The following LRIG1 variants were observed in gnomAD, a reference collection of about 807,000 sequenced individuals.
The protein encoded by LRIG1 is leucine rich repeats and immunoglobulin like domains 1, also known as leucine-rich repeats and immunoglobulin-like domains protein 1.
LRIG1 carries 48 observed loss-of-function variants against 99.2 expected under a neutral mutation model. The ratio of observed to expected loss-of-function variants is 0.48; its 90% CI spans 0.38 to 0.62. The LOEUF (loss-of-function observed/expected upper bound fraction) is 0.62. LRIG1 is among the 20% of genes least tolerant of loss of function. The probability of loss-of-function intolerance (pLI) is 0.00; values close to 1 mark genes in which losing one functional copy is unlikely to be tolerated. For missense variants in LRIG1, 1,646 were observed against 1,434.4 expected, an observed-to-expected ratio of 1.15 and a Z score of -2.38; for synonymous variants, 772 against 596.1, an observed-to-expected ratio of 1.29 and a Z score of -4.30.
intron 3 of LRIG1, among the ~76,000 whole-genome samples, chr3:66,429,589 A>G (rs1575684378): frequency 6.6e-6 from 1 of 152,206 alleles, no homozygotes; most frequent in East Asian, 1.9e-4. Flanking sequence ...CAGGTTCAGC[A>G]CAGGAGATTT....
intron 3 of LRIG1, among the ~76,000 whole-genome samples, chr3:66,423,345 C>T (rs758879335): frequency 1.3e-5 from 2 of 152,010 alleles, no homozygotes; most frequent in South Asian, 2.1e-4. Context: ...CTGAGGTGGG[C>T]GGATCACCTT....
At chr3:66,389,275 T>G (rs1701522484) in intron 12 of LRIG1, among the ~76,000 whole-genome samples, 1 of 152,002 alleles carries the variant, frequency 6.6e-6, no homozygotes, top group East Asian at 1.9e-4. Context: ...ACAGAAAATA[T>G]CTTTTCAATA....
chr3:66,472,994 T>TA (rs957489659), intron 1 of LRIG1, among the ~76,000 whole-genome samples: 39 of 151,286 alleles, frequency 2.6e-4, no homozygotes, highest in Non-Finnish European at 4.7e-4. Flanking sequence ...GTCAGAAGAT[T>TA]AAAAAAAAAG....
At chr3:66,472,247 T>C (rs1044410657) in intron 1 of LRIG1, among the ~76,000 whole-genome samples, 5 of 122,542 alleles carry the variant, frequency 4.1e-5, no homozygotes, top group African/African-American at 1.6e-4. Context: ...GAGCGTGCAG[T>C]GAGCCGAGAT....
At position 66,380,100 on chromosome 3, in the gene LRIG1, C is replaced by G. The variant is rs773224257; in HGVS notation, c.*163G>C. On this transcript the variant is annotated 3_prime_UTR_variant, in exon 19 of 19. Transcript: ENST00000273261. ...CCTTTTGTACACAAATCCCCTCTTG[C>G]GTTTACTGTGCTTCAGATCCAAGTC... 10 of 583,860 alleles carry G rather than the reference C, an allele frequency of 1.7e-5. No individual in the cohort carries two copies. Among genetic ancestry groups the G allele is most frequent in the South Asian group, 7.7e-5 (3 of 39,078 alleles). 36.2% of individuals were successfully genotyped at this position (583,860 alleles called of 1,614,324 possible). A position where few individuals can be genotyped will look rare whatever the true frequency, so the allele number is the denominator to read the frequency against.
chr3:66,413,636 A>G (rs1702536442), intron 5 of LRIG1, among the ~76,000 whole-genome samples: 1 of 152,222 alleles, frequency 6.6e-6, no homozygotes, highest in Non-Finnish European at 1.5e-5. Flanking sequence ...GATGTCAGGA[A>G]TCTGGGTGGG....
At chr3:66,474,643 G>C (rs1331106047) in intron 1 of LRIG1, among the ~76,000 whole-genome samples, 1 of 152,056 alleles carries the variant, frequency 6.6e-6, no homozygotes, top group African/African-American at 2.4e-5. Flanking sequence ...ACAGCACCCG[G>C]CCCCATCTAC....
chr3:66,421,470 A>C (rs6766892), intron 3 of LRIG1, among the ~76,000 whole-genome samples: 1 of 152,086 alleles, frequency 6.6e-6, no homozygotes, highest in Admixed American at 6.5e-5. Flanking sequence ...ATGCAAGTCC[A>C]AAATCCAGCG....
At chr3:66,454,464 T>A (rs963776488) in intron 2 of LRIG1, among the ~76,000 whole-genome samples, 1 of 152,170 alleles carries the variant, frequency 6.6e-6, no homozygotes, top group Non-Finnish European at 1.5e-5. Context: ...GAAATTTTTT[T>A]AAATATCTAC....
chr3:66,387,020 C>G (rs1701407687), intron 12 of LRIG1: 1 of 150,258 alleles, frequency 6.7e-6, no homozygotes, highest in African/African-American at 2.5e-5. Context: ...TGTGGCCTAT[C>G]TGGCAGCAAC....
intron 3 of LRIG1, among the ~76,000 whole-genome samples, chr3:66,427,435 C>T (rs1258667132): frequency 1.3e-5 from 2 of 152,182 alleles, no homozygotes; most frequent in Non-Finnish European, 2.9e-5. Flanking sequence ...AGGAGGTGTA[C>T]TTTATGACTG....
chr3:66,481,735 G>A (rs1191142608), intron 1 of LRIG1, among the ~76,000 whole-genome samples: 3 of 152,168 alleles, frequency 2.0e-5, no homozygotes, highest in Non-Finnish European at 4.4e-5. Context: ...TTTGTGGCAG[G>A]AAGACAAATA....
chr3:66,442,076 A>T (rs1250145230), intron 3 of LRIG1, among the ~76,000 whole-genome samples: 2 of 152,192 alleles, frequency 1.3e-5, no homozygotes, highest in African/African-American at 4.8e-5. Flanking sequence ...AAGATTGCTG[A>T]TGTCTGACCA....
At chr3:66,457,246 C>T (rs115347785) in intron 2 of LRIG1, among the ~76,000 whole-genome samples, 21 of 152,298 alleles carry the variant, frequency 1.4e-4, no homozygotes, top group African/African-American at 4.6e-4. Flanking sequence ...ATGTCAGCTA[C>T]GATTTTTTTT....
rs553792337 is a variant in LRIG1 at position 66,407,078 on chromosome 3, G to A, written c.1079+270C>T. Among the ~76,000 whole-genome samples the A allele has an allele frequency of 3.3e-4, 50 of 152,238 alleles. 1 individual carries two copies. Among genetic ancestry groups the A allele is most frequent in the South Asian group, 1.4e-3 (7 of 4,830 alleles). On this transcript the variant is annotated intron_variant, in intron 8 of 18. Transcript: ENST00000273261. ...GAGCCAGCATCCTGTCCAGCACAAC[G>A]TGGGCATCACTGCTTGAGAACAACT...
intron 1 of LRIG1, among the ~76,000 whole-genome samples, chr3:66,491,322 T>C (rs1701096869): frequency 6.6e-6 from 1 of 152,258 alleles, no homozygotes; most frequent in South Asian, 2.1e-4. Context: ...ATTATGTTTG[T>C]TCACTAATGG....
intron 1 of LRIG1, among the ~76,000 whole-genome samples, chr3:66,475,059 C>G (rs1700689644): frequency 6.6e-6 from 1 of 152,226 alleles, no homozygotes; most frequent in Admixed American, 6.5e-5. Flanking sequence ...TCCAAGCCCA[C>G]TGGTCATACC....
intron 1 of LRIG1, among the ~76,000 whole-genome samples, chr3:66,464,136 T>G (rs1223658262): frequency 6.6e-6 from 1 of 152,194 alleles, no homozygotes; most frequent in Non-Finnish European, 1.5e-5. Flanking sequence ...GACTGAGATT[T>G]TCTTCTATTT....
intron 7 of LRIG1, 136 bp from the exon 8 acceptor site, chr3:66,407,627 A>ACG (rs1343593897): frequency 3.0e-5 from 26 of 858,592 alleles, no homozygotes; most frequent in Non-Finnish European, 4.4e-5. Flanking sequence ...GTGCGTGCAC[A>ACG]CACACACCCA....
Sources: gnomAD v4.1 joint callset for allele counts (sites outside exome capture counted in the v4.1 genomes callset) on GRCh38, gnomAD v4.1.1 for gene constraint, MANE v1.5 for transcripts, NCBI Gene and HGNC (gene_info 2026-07-23, HGNC 2026-07-21) for gene names.